The following GLI3 variants were observed in gnomAD, a reference collection of about 807,000 sequenced individuals.
The protein encoded by GLI3 is GLI family zinc finger 3.
In GLI3, 20 loss-of-function variants were observed where a neutral mutation model predicts 100.8. That is an observed-to-expected ratio of 0.20 (90% confidence interval 0.14 to 0.29). The LOEUF is 0.29. GLI3 is among the 10% of genes least tolerant of loss of function. GLI3 has a pLI of 1.00. For synonymous variants in GLI3, 938 were observed against 860.5 expected (o/e 1.09, Z -1.58); for missense variants, 2,040 against 2,128.5 (o/e 0.96, Z 0.82).
At chr7:42,135,824 T>C (rs1182377747) in intron 3 of GLI3, among the ~76,000 whole-genome samples, 2 of 152,234 alleles carry the variant, frequency 1.3e-5, no homozygotes, top group Non-Finnish European at 2.9e-5. Context: ...AGCGGGACTG[T>C]TGGATACCAA....
chr7:42,112,086 G>A (rs909753311), intron 3 of GLI3, among the ~76,000 whole-genome samples: 1 of 152,156 alleles, frequency 6.6e-6, no homozygotes, highest in African/African-American at 2.4e-5. Context: ...ACAATGACAG[G>A]GGAGATTTTA....
In GLI3 at chr7:42,229,498, C is replaced by T. The variant is rs190147039; in HGVS notation, c.-42-6203G>A. ...CCTCCAGAGAAATAACATTTATTTA[C>T]ACCTGCCTGTATTTTCATAAGCTGA... On this transcript the variant is annotated intron_variant, in intron 1 of 14. Transcript: ENST00000395925. Among the ~76,000 whole-genome samples, 18 of 152,330 alleles carry T rather than the reference C, an allele frequency of 1.2e-4. 2 individuals carry two copies. Among genetic ancestry groups the T allele is most frequent in the African/African-American group, 4.1e-4 (17 of 41,580 alleles).
At chr7:42,153,841 A>G (rs1786936018) in intron 2 of GLI3, among the ~76,000 whole-genome samples, 1 of 152,174 alleles carries the variant, frequency 6.6e-6, no homozygotes, top group African/African-American at 2.4e-5. Flanking sequence ...CTTTCCCATC[A>G]TTATTTACAT....
chr7:42,239,851 G>C (rs1449813959), upstream of GLI3, among the ~76,000 whole-genome samples: 1 of 152,204 alleles, frequency 6.6e-6, no homozygotes, highest in Non-Finnish European at 1.5e-5. Context: ...AGAAACAGTG[G>C]AGGGGTAAAA....
At position 41,962,393 on chromosome 7, in the gene GLI3, T is replaced by A. The variant is rs1271779732; in HGVS notation, c.*1937A>T. 6.6e-6 allele frequency: 1 copy of A among 152,208 alleles called. No homozygotes were observed. The highest frequency in any genetic ancestry group is 2.4e-5 in the African/African-American group (1 of 41,464). The allele number at this position is 152,208 out of a possible 1,614,324, so 9.4% of individuals were successfully genotyped here. A position where few individuals can be genotyped will look rare whatever the true frequency, so the allele number is the denominator to read the frequency against. Reference sequence around the variant, plus strand: ...CCTTGTTTCAGAAACACAGAGAAAGTCTTGCTTTTTCAACTGAAAAGTGGT... The same window carrying A: ...CCTTGTTTCAGAAACACAGAGAAAGACTTGCTTTTTCAACTGAAAAGTGGT... On this transcript the variant is annotated 3_prime_UTR_variant, in exon 15 of 15. Transcript: ENST00000395925.
chr7:42,001,273 A>G (rs1183228010), intron 10 of GLI3, among the ~76,000 whole-genome samples: 1 of 150,838 alleles, frequency 6.6e-6, no homozygotes, highest in Non-Finnish European at 1.5e-5. Context: ...AAAAAAGGGG[A>G]AACAAACACA....
chr7:42,246,932 G>T (rs1367927024), intron 1 of GLI3, among the ~76,000 whole-genome samples: 1 of 144,746 alleles, frequency 6.9e-6, no homozygotes, highest in East Asian at 2.0e-4. Context: ...AGTCTTTTAT[G>T]TGCCAACACC....
At chr7:42,135,148 C>G (rs772463769) in intron 3 of GLI3, among the ~76,000 whole-genome samples, 1 of 152,104 alleles carries the variant, frequency 6.6e-6, no homozygotes, top group Non-Finnish European at 1.5e-5. Flanking sequence ...TTCTTATTTT[C>G]TCTCCCCAAA....
chr7:42,022,911 T>G (rs1012797982), intron 10 of GLI3, among the ~76,000 whole-genome samples: 15 of 152,136 alleles, frequency 9.9e-5, no homozygotes, highest in African/African-American at 3.6e-4. Context: ...CATCCATCAC[T>G]AAATACATTT....
intron 10 of GLI3, among the ~76,000 whole-genome samples, chr7:41,990,681 G>C (rs1787960714): frequency 6.6e-6 from 1 of 152,170 alleles, no homozygotes; most frequent in Non-Finnish European, 1.5e-5. Context: ...TTGACAATTC[G>C]TTTTAATGAA....
At chr7:42,112,524 C>A (rs867627452) in intron 3 of GLI3, among the ~76,000 whole-genome samples, 30 of 152,122 alleles carry the variant, frequency 2.0e-4, no homozygotes, top group Admixed American at 7.2e-4. Flanking sequence ...AGATGGATAC[C>A]TCAATTACTC....
At chr7:42,024,497 G>A (rs1476226885) in intron 9 of GLI3, among the ~76,000 whole-genome samples, 1 of 152,208 alleles carries the variant, frequency 6.6e-6, no homozygotes, top group East Asian at 1.9e-4. Flanking sequence ...AGCAGTCTGA[G>A]GTTTGGGCTG....
intron 3 of GLI3, among the ~76,000 whole-genome samples, chr7:42,107,317 C>A (rs1275405041): frequency 6.6e-6 from 1 of 152,102 alleles, no homozygotes; most frequent in Non-Finnish European, 1.5e-5. Flanking sequence ...GCGACAGTGA[C>A]CCTGTCTCAA....
intron 1 of GLI3, among the ~76,000 whole-genome samples, chr7:42,263,497 AG>A (rs1329370477): frequency 1.3e-5 from 2 of 151,062 alleles, no homozygotes; most frequent in African/African-American, 2.4e-5. Context: ...CCCAGGCTGG[AG>A]TGCAGTGGTG....
At chr7:42,019,317 C>A (rs1291682682) in intron 10 of GLI3, among the ~76,000 whole-genome samples, 2 of 152,154 alleles carry the variant, frequency 1.3e-5, no homozygotes. Context: ...CCAAAGTGTG[C>A]AGGTTTCAGA....
At chr7:42,219,468 G>T (rs929424813) in intron 2 of GLI3, among the ~76,000 whole-genome samples, 1 of 150,904 alleles carries the variant, frequency 6.6e-6, no homozygotes, top group African/African-American at 2.4e-5. Context: ...TTTTTCACTT[G>T]CATTATTTTA....
rs951996467 is a variant in GLI3 at position 42,257,494 on chromosome 7, G to A, written c.-43+6500C>T. 9.2e-5 allele frequency among the ~76,000 whole-genome samples: 14 copies of A among 151,708 alleles called. No individual in the cohort carries two copies. The East Asian group carries it at 2.7e-3, about 29-fold the overall frequency. ...CGAGTAGCTGGGACTACAGGTGCCC[G>A]CCACCACACGTGGCTAATTTCTTGT... On this transcript the variant is annotated intron_variant, in intron 1 of 2. Transcript: ENST00000678978.
chr7:42,093,510 T>A (rs1394140461), intron 3 of GLI3, among the ~76,000 whole-genome samples: 1 of 146,416 alleles, frequency 6.8e-6, no homozygotes, highest in Admixed American at 7.3e-5. Flanking sequence ...GGGTGGGTGG[T>A]GCAGCTGTTC....
At chr7:42,164,122 A>G (rs148305455) in intron 2 of GLI3, among the ~76,000 whole-genome samples, 142 of 152,338 alleles carry the variant, frequency 9.3e-4, no homozygotes, top group African/African-American at 3.1e-3. Flanking sequence ...TGAGTAGAAA[A>G]AATAATCACT....
Sources: gnomAD v4.1 joint callset for allele counts (sites outside exome capture counted in the v4.1 genomes callset) on GRCh38, gnomAD v4.1.1 for gene constraint, MANE v1.5 for transcripts, NCBI Gene and HGNC (gene_info 2026-07-23, HGNC 2026-07-21) for gene names.